NPHP4: variants seen among roughly 807,000 people sequenced by gnomAD.
NPHP4 encodes the protein nephrocystin-4.
A neutral mutation model predicts 155.8 loss-of-function variants in NPHP4; 151 were observed. That is an observed-to-expected ratio of 0.97 (90% confidence interval 0.85 to 1.11). The LOEUF is 1.11. Ranked by LOEUF, NPHP4 falls within the 50% of genes least tolerant of loss-of-function variation. NPHP4 has a pLI of 0.00. For missense variants in NPHP4, 1,956 were observed against 1,925.7 expected (o/e 1.02, Z -0.29); for synonymous variants, 845 against 816.8 (o/e 1.03, Z -0.59).
intron 20 of NPHP4, chr1:5,875,843 CAG>C (rs1642541518): frequency 6.6e-6 from 1 of 152,504 alleles, no homozygotes; most frequent in Non-Finnish European, 1.5e-5. Flanking sequence ...CTGTCTAACA[CAG>C]AGGAGGCTGA....
At position 5,910,843 on chromosome 1, in the gene NPHP4, GAA is replaced by G. The variant is rs1645144918; in HGVS notation, c.1442-1632_1442-1631del. On this transcript the variant is annotated intron_variant, in intron 11 of 29. Transcript: ENST00000378156. The surrounding 1 kb of genome is among the most constrained non-coding windows in gnomAD (Gnocchi z 5.4). ...GCTTCCCCAGCTGCAGGATCTGGTGGAAACCCTGCTAAGGGCCTGTGGATGGG... is the reference window on the plus strand; with the variant it reads ...GCTTCCCCAGCTGCAGGATCTGGTGGACCCTGCTAAGGGCCTGTGGATGGG... 1.3e-5 allele frequency among the ~76,000 whole-genome samples: 2 copies of G among 152,176 alleles called. No homozygotes were observed. Among genetic ancestry groups the G allele is most frequent in the African/African-American group, 2.4e-5 (1 of 41,426 alleles).
Position 5,965,455 on chromosome 1 carries a change from A to G in NPHP4, c.517+1844T>C, listed in dbSNP as rs950177962. 3.3e-5 allele frequency among the ~76,000 whole-genome samples: 5 copies of G among 152,202 alleles called. No homozygotes were observed. The East Asian group carries it at 9.6e-4, about 29-fold the overall frequency. ...CTTTGTTCTCAGGATACTTCTGGACAGAAAATCCCAGCATATGACTAATTA... is the reference window on the plus strand; with the variant it reads ...CTTTGTTCTCAGGATACTTCTGGACGGAAAATCCCAGCATATGACTAATTA... On this transcript the variant is annotated intron_variant, in intron 5 of 29. Coordinates refer to ENST00000378156, the MANE Select transcript of NPHP4 (RefSeq NM_015102.5).
intron 3 of NPHP4, among the ~76,000 whole-genome samples, chr1:5,971,576 A>T (rs1211580081): frequency 6.6e-6 from 1 of 152,206 alleles, no homozygotes; most frequent in African/African-American, 2.4e-5. Flanking sequence ...CAAAACTGCG[A>T]GCAACAGAGC....
At chr1:5,887,666 T>C (rs1643894145) in intron 17 of NPHP4, among the ~76,000 whole-genome samples, 200 bp from the exon 18 acceptor site, 1 of 152,168 alleles carries the variant, frequency 6.6e-6, no homozygotes, top group Non-Finnish European at 1.5e-5. Context: ...CAGGACTCCT[T>C]ATTACTGGGG....
intron 9 of NPHP4, among the ~76,000 whole-genome samples, chr1:5,938,617 G>A (rs961527275): frequency 3.3e-5 from 5 of 152,228 alleles, no homozygotes; most frequent in African/African-American, 1.2e-4. Context: ...GACACAGGCT[G>A]TGCGCTGTCA....
intron 16 of NPHP4, among the ~76,000 whole-genome samples, chr1:5,898,511 C>T (rs1041588986): frequency 2.6e-5 from 4 of 152,196 alleles, no homozygotes; most frequent in East Asian, 1.9e-4. Flanking sequence ...GGCCTTGGCA[C>T]GAGCCCCCCA....
Position 5,864,479 on chromosome 1 carries a change from C to G in NPHP4, c.3855G>C (p.Gly1285=), listed in dbSNP as rs761895694. ...TCACGCCAACATGCAGGTCCTGCAC[C>G]CCACGAGGCGGCAGCACGAAGACAC... ...PKGVFVLPPR[G]VQDLHVGVRP... is the part of the protein sequence containing the mutation. The change falls in exon 28 of 30, where the codon GGG becomes GGC. Residue 1285 remains glycine (G), a synonymous_variant. Coordinates refer to ENST00000378156, the MANE Select transcript of NPHP4 (RefSeq NM_015102.5). The G allele has an allele frequency of 6.3e-7, 1 of 1,597,900 alleles. No homozygotes were observed. Among genetic ancestry groups the G allele is most frequent in the East Asian group, 2.3e-5 (1 of 44,182 alleles).
intron 19 of NPHP4, among the ~76,000 whole-genome samples, chr1:5,878,817 G>T (rs1429847387): frequency 6.6e-6 from 1 of 152,172 alleles, no homozygotes; most frequent in African/African-American, 2.4e-5. Context: ...CTGGAGCTCA[G>T]GGACTTCTCT....
At chr1:5,943,007 G>A (rs1164207875) in intron 9 of NPHP4, among the ~76,000 whole-genome samples, 1 of 152,146 alleles carries the variant, frequency 6.6e-6, no homozygotes, top group Non-Finnish European at 1.5e-5. Context: ...CACTCATTCA[G>A]TCAGCAAACA....
At chr1:5,923,158 G>A (rs899281615) in intron 11 of NPHP4, among the ~76,000 whole-genome samples, 2 of 152,178 alleles carry the variant, frequency 1.3e-5, no homozygotes, top group Non-Finnish European at 2.9e-5. Flanking sequence ...ACAGCTAGAA[G>A]ACGCTTTCAA....
At chr1:5,972,098 C>G (rs1253497500) in intron 3 of NPHP4, among the ~76,000 whole-genome samples, 1 of 152,250 alleles carries the variant, frequency 6.6e-6, no homozygotes, top group Non-Finnish European at 1.5e-5. Flanking sequence ...GGGCACCCCC[C>G]ATGGCACGGC....
chr1:5,971,667 T>G (rs1313030483), intron 3 of NPHP4, among the ~76,000 whole-genome samples: 1 of 152,180 alleles, frequency 6.6e-6, no homozygotes, highest in African/African-American at 2.4e-5. Flanking sequence ...AATTCCCGCC[T>G]CACTCAGCCA....
intron 11 of NPHP4, among the ~76,000 whole-genome samples, chr1:5,925,603 GTTTT>G (rs981196505): frequency 5.3e-5 from 8 of 151,144 alleles, no homozygotes; most frequent in Non-Finnish European, 1.2e-4. Flanking sequence ...CAGGGAATGG[GTTTT>G]TTTTTGTTTG....
intron 11 of NPHP4, among the ~76,000 whole-genome samples, chr1:5,909,425 C>A (rs1216036085): frequency 6.6e-6 from 1 of 152,196 alleles, no homozygotes; most frequent in African/African-American, 2.4e-5. Context: ...GCACCAGCAG[C>A]CAGGAGAGGG....
intron 9 of NPHP4, among the ~76,000 whole-genome samples, chr1:5,940,011 G>A (rs1363820182): frequency 6.6e-6 from 1 of 152,158 alleles, no homozygotes; most frequent in Non-Finnish European, 1.5e-5. Context: ...CAGGCAGAAA[G>A]CATCCCACGT....
At chr1:5,960,784 C>CGT (rs1473895762) in intron 6 of NPHP4, among the ~76,000 whole-genome samples, 1 of 152,004 alleles carries the variant, frequency 6.6e-6, no homozygotes, top group Non-Finnish European at 1.5e-5. Context: ...CCCAACACTC[C>CGT]CATGGCTGCT....
Position 5,964,941 on chromosome 1 carries a change from A to ATATATT in NPHP4, c.517+2357_517+2358insAATATA. Among the ~76,000 whole-genome samples, 18 of 59,418 alleles carry ATATATT rather than the reference A, an allele frequency of 3.0e-4. 1 individual carries two copies. The South Asian group carries it at 4.7e-3, about 16-fold the overall frequency. The allele number at this position is 59,418 out of a possible 152,430, so 39.0% of individuals were successfully genotyped here. The stretch of plus-strand genomic sequence containing the variant: ...ATTATATATATATATATATATATAT[A>ATATATT]TTTTTTTTTTTTGAGGCAGGGTCTC... On this transcript the variant is annotated intron_variant, in intron 5 of 29. Coordinates refer to ENST00000378156, the MANE Select transcript of NPHP4 (RefSeq NM_015102.5).
intron 11 of NPHP4, among the ~76,000 whole-genome samples, chr1:5,926,876 A>G (rs574537773): frequency 6.6e-6 from 1 of 152,338 alleles, no homozygotes; most frequent in African/African-American, 2.4e-5. Flanking sequence ...GAACAGGCAG[A>G]AAGAAGGAAG....
intron 11 of NPHP4, among the ~76,000 whole-genome samples, chr1:5,923,832 AG>A (rs1645865403): frequency 6.6e-6 from 1 of 152,268 alleles, no homozygotes; most frequent in Admixed American, 6.5e-5. Context: ...GAAAATTCTC[AG>A]TATCTGGAGC....
Sources: gnomAD v4.1 joint callset for allele counts (sites outside exome capture counted in the v4.1 genomes callset) on GRCh38, gnomAD v4.1.1 for gene constraint, Gnocchi (gnomAD v3.1) non-coding constraint, MANE v1.5 for transcripts, NCBI Gene and HGNC (gene_info 2026-07-23, HGNC 2026-07-21) for gene names.